Variants in GALNT13 observed in about 807,000 individuals in gnomAD.
GALNT13 encodes polypeptide N-acetylgalactosaminyltransferase 13, also known as UDP-GalNAc:polypeptide N-acetylgalactosaminyltransferase 13.
In GALNT13, 28 loss-of-function variants were observed where a neutral mutation model predicts 64.2. That is an observed-to-expected ratio of 0.44 (90% confidence interval 0.32 to 0.60). The LOEUF (loss-of-function observed/expected upper bound fraction) is 0.60. Ranked by LOEUF, GALNT13 falls within the 20% of genes least tolerant of loss-of-function variation. The probability of loss-of-function intolerance (pLI) is 0.05; values close to 1 mark genes in which losing one functional copy is unlikely to be tolerated. For synonymous variants in GALNT13, 214 were observed against 224.6 expected (o/e 0.95, Z 0.42); for missense variants, 577 against 669.8 (o/e 0.86, Z 1.53).
chr2:153,455,329 A>G, the GALNT13 span, among the ~76,000 whole-genome samples: 1 of 152,320 alleles, frequency 6.6e-6, no homozygotes, highest in Non-Finnish European at 1.5e-5. Flanking sequence ...GAAGTACTGA[A>G]GTAGAATATT....
the GALNT13 span, among the ~76,000 whole-genome samples, chr2:153,114,382 G>A: frequency 1.3e-5 from 2 of 152,080 alleles, no homozygotes; most frequent in Non-Finnish European, 2.9e-5. Flanking sequence ...ATATGCTTTC[G>A]CTAGAGAAGA....
the GALNT13 span, among the ~76,000 whole-genome samples, chr2:153,658,228 A>G: frequency 6.6e-6 from 1 of 152,014 alleles, no homozygotes; most frequent in Non-Finnish European, 1.5e-5. Flanking sequence ...AAAATGCTTG[A>G]TTTCTATGCT....
chr2:153,831,121 G>GTTTCTCA, the GALNT13 span, among the ~76,000 whole-genome samples: 1 of 152,060 alleles, frequency 6.6e-6, no homozygotes, highest in African/African-American at 2.4e-5. Context: ...TTGGAGTATC[G>GTTTCTCA]TTTCTCATGC....
chr2:154,065,675 T>G (rs531760310), intron 3 of GALNT13, among the ~76,000 whole-genome samples: 1 of 152,198 alleles, frequency 6.6e-6, no homozygotes, highest in Non-Finnish European at 1.5e-5. Flanking sequence ...GTCCCCCTAA[T>G]GCAGATATGG....
chr2:153,216,522 G>A, the GALNT13 span, among the ~76,000 whole-genome samples: 1 of 151,974 alleles, frequency 6.6e-6, no homozygotes, highest in Non-Finnish European at 1.5e-5. Flanking sequence ...GTGTACAGTA[G>A]TATCTCATTG....
the GALNT13 span, among the ~76,000 whole-genome samples, chr2:153,615,714 G>GAATCTTTTA: frequency 1.3e-5 from 2 of 151,890 alleles, no homozygotes; most frequent in African/African-American, 4.8e-5. Context: ...CTTTTAAATG[G>GAATCTTTTA]AATCTTTTAA....
At chr2:153,776,915 C>A in the GALNT13 span, among the ~76,000 whole-genome samples, 1 of 152,186 alleles carries the variant, frequency 6.6e-6, no homozygotes, top group Non-Finnish European at 1.5e-5. Context: ...ATGTCTGAAT[C>A]AAGTTTTTCC....
the GALNT13 span, among the ~76,000 whole-genome samples, chr2:153,428,050 C>T: frequency 1.3e-5 from 2 of 152,284 alleles, no homozygotes; most frequent in African/African-American, 4.8e-5. Context: ...GTAAGACATG[C>T]ATTCAATACA....
chr2:153,676,740 T>C, the GALNT13 span, among the ~76,000 whole-genome samples: 2 of 152,118 alleles, frequency 1.3e-5, no homozygotes, highest in African/African-American at 4.8e-5. Context: ...AATGAACACA[T>C]GTGATTCATC....
intron 8 of GALNT13, among the ~76,000 whole-genome samples, chr2:154,290,361 G>A (rs925138155): frequency 5.3e-5 from 8 of 152,194 alleles, no homozygotes; most frequent in Non-Finnish European, 1.2e-4. Context: ...GCCAAGGAAG[G>A]AAGCAAGGGG....
At chr2:153,807,197 T>C in the GALNT13 span, among the ~76,000 whole-genome samples, 1 of 152,002 alleles carries the variant, frequency 6.6e-6, no homozygotes, top group Non-Finnish European at 1.5e-5. Context: ...TACTCATGTA[T>C]ATCCTCCCAG....
chr2:154,275,783 G>A (rs1203689743), intron 8 of GALNT13, among the ~76,000 whole-genome samples: 2 of 152,178 alleles, frequency 1.3e-5, no homozygotes, highest in Admixed American at 1.3e-4. Context: ...AGCTTGCACT[G>A]TGTACCTGGA....
intron 8 of GALNT13, among the ~76,000 whole-genome samples, chr2:154,298,694 C>CAATGTATATATAAATTATATATAA (rs1693190369): frequency 1.3e-4 from 1 of 7,434 alleles, no homozygotes; most frequent in Non-Finnish European, 2.7e-4. Context: ...TTTATATATA[C>CAATGTATATATAAATTATATATAA]ATTGTATATA....
the GALNT13 span, among the ~76,000 whole-genome samples, chr2:153,785,912 C>T: frequency 6.6e-6 from 1 of 151,800 alleles, no homozygotes; most frequent in Non-Finnish European, 1.5e-5. Context: ...GCAGCCACCT[C>T]ACAGAAAAGT....
At chr2:153,524,581 T>C in the GALNT13 span, among the ~76,000 whole-genome samples, 1 of 152,018 alleles carries the variant, frequency 6.6e-6, no homozygotes, top group South Asian at 2.1e-4. Context: ...GTGGGGAGCA[T>C]TTCTGTGTGC....
At chr2:153,776,132 A>G in the GALNT13 span, among the ~76,000 whole-genome samples, 1 of 152,252 alleles carries the variant, frequency 6.6e-6, no homozygotes, top group African/African-American at 2.4e-5. Flanking sequence ...CAGAGATTTG[A>G]CATAGATGTG....
chr2:153,135,384 C>G, the GALNT13 span, among the ~76,000 whole-genome samples: 1 of 152,098 alleles, frequency 6.6e-6, no homozygotes, highest in South Asian at 2.1e-4. Flanking sequence ...CAGGAATAAC[C>G]AAGATGGCAG....
At chr2:153,647,498 T>G in the GALNT13 span, among the ~76,000 whole-genome samples, 1,223 of 152,334 alleles carry the variant, frequency 8.0e-3, 18 homozygotes, top group African/African-American at 0.027. Context: ...TTTTGGCTTA[T>G]GTTGCCATTG....
At chr2:154,131,697 A>G (rs1226810074) in intron 3 of GALNT13, among the ~76,000 whole-genome samples, 2 of 152,222 alleles carry the variant, frequency 1.3e-5, no homozygotes, top group Admixed American at 1.3e-4. Context: ...TTAGAAGGAC[A>G]GCGTTAATAG....
Sources: gnomAD v4.1 joint callset for allele counts (sites outside exome capture counted in the v4.1 genomes callset) on GRCh38, gnomAD v4.1.1 for gene constraint, MANE v1.5 for transcripts, NCBI Gene and HGNC (gene_info 2026-07-23, HGNC 2026-07-21) for gene names.